KANTR: variants seen among roughly 807,000 people sequenced by gnomAD.
KANTR encodes KDM5C adjacent transcript.
downstream of KANTR, among the ~76,000 whole-genome samples, chrX:53,127,894 T>C (rs1418727336): frequency 3.6e-5 from 4 of 111,229 alleles, no homozygotes; most frequent in Admixed American, 9.5e-5. Flanking sequence ...TTGGTGGTGG[T>C]AGGGGGGCTG....
At chrX:53,133,029 C>G (rs1049723112) in intron 2 of KANTR, among the ~76,000 whole-genome samples, 1 of 110,151 alleles carries the variant, frequency 9.1e-6, no homozygotes, top group Non-Finnish European at 1.9e-5. Flanking sequence ...GTCGGGGAGT[C>G]GGGAGGAATG....
At chrX:53,105,289 C>G (rs184107089) in intron 2 of KANTR, among the ~76,000 whole-genome samples, 1 of 111,872 alleles carries the variant, frequency 8.9e-6, no homozygotes, top group Non-Finnish European at 1.9e-5. Flanking sequence ...CTCATCAACA[C>G]TTTTCGTTTG....
intron 2 of KANTR, among the ~76,000 whole-genome samples, chrX:53,115,420 G>T (rs1234640711): frequency 3.6e-5 from 4 of 112,516 alleles, no homozygotes; most frequent in African/African-American, 1.3e-4. Context: ...GGATGGTCTG[G>T]GACCCACGGC....
intron 2 of KANTR, among the ~76,000 whole-genome samples, chrX:53,135,203 G>T (rs1364133243): frequency 8.9e-6 from 1 of 112,177 alleles, no homozygotes; most frequent in Non-Finnish European, 1.9e-5. Context: ...TACCTTGGAA[G>T]TACAGTCCCA....
downstream of KANTR, among the ~76,000 whole-genome samples, chrX:53,129,205 C>G (rs1311607639): frequency 9.6e-6 from 1 of 104,388 alleles, no homozygotes; most frequent in Non-Finnish European, 2.0e-5. Flanking sequence ...GTAGCTGGGA[C>G]TACAGGCGCC....
chrX:53,094,713 C>T (rs782334423), intron 1 of KANTR: 22 of 112,166 alleles, frequency 2.0e-4, no homozygotes, highest in African/African-American at 6.5e-4. Context: ...TGAGCTATCT[C>T]CTTCACCAGC....
chrX:53,102,984 G>GTT (rs150831481), intron 2 of KANTR, among the ~76,000 whole-genome samples: 3 of 73,878 alleles, frequency 4.1e-5, no homozygotes, highest in Non-Finnish European at 5.2e-5. Flanking sequence ...TGTTTTGTTT[G>GTT]TTTTTTTTTT....
downstream of KANTR, among the ~76,000 whole-genome samples, chrX:53,147,470 A>T (rs1353885408): frequency 2.7e-5 from 3 of 111,666 alleles, no homozygotes; most frequent in African/African-American, 9.8e-5. Context: ...TCATAAAGCA[A>T]GTCCTTAGAG....
At chrX:53,112,159 T>G (rs976623986) in intron 2 of KANTR, among the ~76,000 whole-genome samples, 2 of 110,813 alleles carry the variant, frequency 1.8e-5, no homozygotes, top group African/African-American at 3.3e-5. Context: ...AAGTCCATTG[T>G]GTCATTCTTA....
At chrX:53,133,541 G>A (rs1001800575) in intron 2 of KANTR, among the ~76,000 whole-genome samples, 4 of 111,485 alleles carry the variant, frequency 3.6e-5, no homozygotes, top group African/African-American at 6.5e-5. Flanking sequence ...TGAGCCTGGC[G>A]CAGACGGTCT....
At chrX:53,106,507 A>AT (rs1932955820) in intron 2 of KANTR, among the ~76,000 whole-genome samples, 2 of 109,320 alleles carry the variant, frequency 1.8e-5, no homozygotes, top group South Asian at 7.8e-4. Flanking sequence ...GGCTCAAGTG[A>AT]TCCCCCCACC....
chrX:53,145,667 G>A (rs782548693), downstream of KANTR, among the ~76,000 whole-genome samples: 6 of 111,935 alleles, frequency 5.4e-5, no homozygotes, highest in East Asian at 1.4e-3. Context: ...CTCCCAGCAC[G>A]CAGCTGGAGA....
chrX:53,139,220 CAAAAAAAAAA>C (rs200871442), intron 2 of KANTR, among the ~76,000 whole-genome samples: 74 of 79,752 alleles, frequency 9.3e-4, no homozygotes, highest in Middle Eastern at 6.1e-3. Context: ...GACTCCGTCT[CAAAAAAAAAA>C]AAAAAAAAAA....
intron 2 of KANTR, among the ~76,000 whole-genome samples, chrX:53,101,587 A>C (rs1556811874): frequency 8.9e-6 from 1 of 112,547 alleles, no homozygotes; most frequent in Non-Finnish European, 1.9e-5. Context: ...GGAGAGAGAC[A>C]GAGGAATAGC....
chrX:53,115,701 C>G (rs782394791), intron 2 of KANTR, among the ~76,000 whole-genome samples: 9 of 112,876 alleles, frequency 8.0e-5, no homozygotes, highest in African/African-American at 1.6e-4. Flanking sequence ...CTTCCTTTCT[C>G]TTCCCTGAAA....
intron 2 of KANTR, among the ~76,000 whole-genome samples, chrX:53,108,083 G>A (rs1056237205): frequency 4.5e-5 from 5 of 110,030 alleles, no homozygotes; most frequent in African/African-American, 1.0e-4. Flanking sequence ...TAGAGACGGG[G>A]TTGCACCATG....
Position 53,097,132 on chromosome X carries a change from C to T in KANTR, c.-941-2340C>T, listed in dbSNP as rs1321316126. On this transcript the variant is annotated intron_variant, in intron 1 of 2. Transcript: ENST00000604062. The stretch of plus-strand genomic sequence containing the variant: ...CGTCTCAAAAAAAAGAAAAAATGCC[C>T]TGAAACACCCTTTAATTGTCCAGCC... Among the ~76,000 whole-genome samples the T allele has an allele frequency of 5.5e-5, 6 of 110,071 alleles. No homozygotes were observed. The Admixed American group carries it at 5.8e-4, about 11-fold the overall frequency.
At chrX:53,142,696 C>A in exon 3 of KANTR, 2 of 373,938 alleles carry the variant, frequency 5.3e-6, no homozygotes, top group Non-Finnish European at 1.0e-5. Context: ...ATTTATACTG[C>A]TGAATTAACC....
chrX:53,124,093 G>A, exon 3 of KANTR: 1 of 279,925 alleles, frequency 3.6e-6, no homozygotes, highest in Non-Finnish European at 6.3e-6. Flanking sequence ...TTGGCGGGAA[G>A]AGTTTTAACT....
Sources: gnomAD v4.1 joint callset for allele counts (sites outside exome capture counted in the v4.1 genomes callset) on GRCh38, gnomAD v4.1.1 for gene constraint, MANE v1.5 for transcripts, NCBI Gene and HGNC (gene_info 2026-07-23, HGNC 2026-07-21) for gene names.